UVRAG: variants seen among roughly 807,000 people sequenced by gnomAD.
UVRAG encodes UV radiation resistance-associated gene protein.
In UVRAG, 19 loss-of-function variants were observed where a neutral mutation model predicts 78.0. The observed-to-expected ratio is 0.24, with a 90% CI of 0.17 to 0.36. The LOEUF is 0.36. Ranked by LOEUF, UVRAG falls within the 10% of genes least tolerant of loss-of-function variation. UVRAG has a pLI of 1.00. For missense variants in UVRAG, 740 were observed against 853.8 expected (o/e 0.87, Z 1.66); for synonymous variants, 323 against 324.6 (o/e 1.00, Z 0.05).
At chr11:75,830,408 T>A (rs1012625741) in intron 1 of UVRAG, among the ~76,000 whole-genome samples, 1 of 152,160 alleles carries the variant, frequency 6.6e-6, no homozygotes, top group African/African-American at 2.4e-5. Flanking sequence ...TAGCTGGGAC[T>A]ACAGGCGCAT....
intron 6 of UVRAG, among the ~76,000 whole-genome samples, chr11:75,948,238 A>G (rs893413075): frequency 1.3e-5 from 2 of 152,114 alleles, no homozygotes; most frequent in African/African-American, 4.8e-5. Context: ...TACCTCTTAC[A>G]TCATTGTTTT....
intron 1 of UVRAG, 107 bp downstream of exon 1, chr11:75,815,631 C>A: frequency 1.6e-6 from 1 of 634,810 alleles, no homozygotes; most frequent in Non-Finnish European, 2.3e-6. Flanking sequence ...AGAGCAGGGA[C>A]CCGGAGGGCT....
chr11:76,110,192 A>AAT (rs1003252827), intron 13 of UVRAG, among the ~76,000 whole-genome samples: 13 of 147,338 alleles, frequency 8.8e-5, no homozygotes, highest in Admixed American at 1.4e-4. Context: ...TAATGTGGAG[A>AAT]ATATATATAT....
At chr11:76,103,058 A>G (rs1437683391) in intron 13 of UVRAG, among the ~76,000 whole-genome samples, 1 of 152,184 alleles carries the variant, frequency 6.6e-6, no homozygotes, top group Non-Finnish European at 1.5e-5. Flanking sequence ...CTTTGCTACT[A>G]GAAGCTATCC....
chr11:75,844,260 C>G, intron 1 of UVRAG, among the ~76,000 whole-genome samples: 1 of 151,804 alleles, frequency 6.6e-6, no homozygotes, highest in Non-Finnish European at 1.5e-5. Context: ...CAGAGTCTCA[C>G]TCTGTCGCCC....
intron 13 of UVRAG, among the ~76,000 whole-genome samples, chr11:76,075,096 A>G (rs1951379835): frequency 6.6e-6 from 1 of 152,194 alleles, no homozygotes; most frequent in Admixed American, 6.5e-5. Flanking sequence ...ATACAGCCAA[A>G]TGTATGTGAC....
chr11:75,836,694 CAA>C (rs772425752), intron 1 of UVRAG, among the ~76,000 whole-genome samples: 1 of 152,176 alleles, frequency 6.6e-6, no homozygotes, highest in Non-Finnish European at 1.5e-5. Flanking sequence ...CTTCTGCAAA[CAA>C]GAGTGCACTT....
At chr11:75,977,890 G>C (rs1041011858) in intron 7 of UVRAG, among the ~76,000 whole-genome samples, 1 of 152,104 alleles carries the variant, frequency 6.6e-6, no homozygotes, top group African/African-American at 2.4e-5. Flanking sequence ...ATATTGTTAC[G>C]TGTGAATTTG....
chr11:75,878,408 C>T (rs1334520385), intron 3 of UVRAG: 1 of 159,470 alleles, frequency 6.3e-6, no homozygotes, highest in African/African-American at 2.5e-5. Flanking sequence ...CTCCTCACAT[C>T]CCAGACGATG....
intron 12 of UVRAG, among the ~76,000 whole-genome samples, chr11:76,043,725 A>G (rs746877378): frequency 3.3e-5 from 5 of 152,178 alleles, no homozygotes; most frequent in Non-Finnish European, 2.9e-5. Context: ...CCAAGTTTGT[A>G]TTATTTCTTG....
rs1169663877 is a variant in UVRAG, at chr11:76,141,615, G to C, written c.*202G>C. 8.1e-6 allele frequency: 5 copies of C among 613,838 alleles called. No individual in the cohort carries two copies. Among genetic ancestry groups the C allele is most frequent in the African/African-American group, 1.8e-5 (1 of 54,118 alleles). 38.0% of individuals were successfully genotyped at this position (613,838 alleles called of 1,614,324 possible). A position where few individuals can be genotyped will look rare whatever the true frequency, so the allele number is the denominator to read the frequency against. ...AAGTTAGATTTTGCTTTCAAGATTT[G>C]CTTTTCGGGCCTGATGATTTTAAAG... On this transcript the variant is annotated 3_prime_UTR_variant, in exon 15 of 15. Coordinates refer to ENST00000356136, the MANE Select transcript of UVRAG (RefSeq NM_003369.4).
intron 1 of UVRAG, among the ~76,000 whole-genome samples, chr11:75,834,581 G>A (rs1345615243): frequency 2.6e-5 from 4 of 152,190 alleles, no homozygotes; most frequent in Admixed American, 6.5e-5. Flanking sequence ...TTGGTAGGCC[G>A]AGGCGGGTGG....
chr11:75,988,716 A>G (rs1251740083), intron 8 of UVRAG, among the ~76,000 whole-genome samples: 2 of 152,230 alleles, frequency 1.3e-5, no homozygotes, highest in African/African-American at 4.8e-5. Flanking sequence ...TGAGAGTTTC[A>G]CTTAGTCCAC....
rs532735558 is a variant in UVRAG at position 75,815,513 on chromosome 11, C to T, written c.106C>T (p.Pro36Ser). 1.6e-6 allele frequency: 2 copies of T among 1,237,950 alleles called. No individual in the cohort carries two copies. Among genetic ancestry groups the T allele is most frequent in the East Asian group, 3.1e-5 (1 of 31,782 alleles). 76.7% of individuals were successfully genotyped at this position (1,237,950 alleles called of 1,614,324 possible). A position where few individuals can be genotyped will look rare whatever the true frequency, so the allele number is the denominator to read the frequency against. The change falls in exon 1 of 15, where the codon CCG (proline) becomes TCG (serine). Residue 36 changes from proline (P) to serine (S), a missense_variant. By Grantham distance (74) the Pro-to-Ser change is moderately conservative. Coordinates refer to ENST00000356136, the MANE Select transcript of UVRAG (RefSeq NM_003369.4). The stretch of plus-strand genomic sequence containing the variant: ...CGCGCGGGCCCTGCATGTGGAGCTG[C>T]CGTCTCAGCAGGTAAGCCCGCGCGG... Reference protein sequence around the residue: ...SAARALHVELPSQQRRLRHLR... With the variant: ...SAARALHVELSSQQRRLRHLR...
rs542272649 is a variant in UVRAG, at chr11:75,885,858, T to C, written c.433-2971T>C. Among the ~76,000 whole-genome samples, 25 of 152,280 alleles carry C rather than the reference T, an allele frequency of 1.6e-4. 1 individual carries two copies. The South Asian group carries it at 5.2e-3, about 32-fold the overall frequency. ...GATCTTTCTGAGTTTTATGGTTGCC[T>C]TATTCCTAATACATTATTAGATTTT... On this transcript the variant is annotated intron_variant, in intron 4 of 14. Coordinates refer to ENST00000356136, the MANE Select transcript of UVRAG (RefSeq NM_003369.4).
chr11:75,965,754 A>C (rs1299907452), intron 7 of UVRAG, among the ~76,000 whole-genome samples: 1 of 152,224 alleles, frequency 6.6e-6, no homozygotes, highest in East Asian at 1.9e-4. Context: ...AATACAATTA[A>C]TTTTAACTTA....
chr11:76,100,015 C>T (rs1055667544), intron 13 of UVRAG, among the ~76,000 whole-genome samples: 2 of 151,958 alleles, frequency 1.3e-5, no homozygotes, highest in African/African-American at 4.8e-5. Context: ...GACTTGTGAC[C>T]ATTATACTTG....
chr11:75,860,231 C>T (rs561597580), intron 2 of UVRAG, among the ~76,000 whole-genome samples: 2 of 152,256 alleles, frequency 1.3e-5, no homozygotes, highest in Non-Finnish European at 2.9e-5. Flanking sequence ...AGGCGTGAGC[C>T]ACCACACCCA....
At chr11:75,852,532 A>G (rs1439901991) in intron 2 of UVRAG, among the ~76,000 whole-genome samples, 3 of 152,266 alleles carry the variant, frequency 2.0e-5, no homozygotes, top group South Asian at 4.1e-4. Context: ...TTCAGAATGC[A>G]TATTAGATGA....
Sources: allele counts gnomAD v4.1 joint callset (sites outside exome capture counted in the v4.1 genomes callset), GRCh38; gene constraint gnomAD v4.1.1; transcripts MANE v1.5; gene names NCBI Gene and HGNC (gene_info 2026-07-23, HGNC 2026-07-21).